The following XIRP2 variants were observed in gnomAD, a reference collection of about 807,000 sequenced individuals.
The protein encoded by XIRP2 is xin actin-binding repeat-containing protein 2.
Under a neutral mutation model 277.0 loss-of-function variants are expected in XIRP2, and 236 were observed. That is an observed-to-expected ratio of 0.85 (90% CI 0.77 to 0.95). The LOEUF (loss-of-function observed/expected upper bound fraction) is 0.95. XIRP2 is among the 40% of genes least tolerant of loss of function. The pLI is 0.00. For synonymous variants in XIRP2, 1,490 were observed against 1,416.5 expected (o/e 1.05, Z -1.17); for missense variants, 4,640 against 4,157.5 (o/e 1.12, Z -3.19).
In XIRP2 at chr2:167,246,596, T is replaced by A. The variant is rs1211184937; in HGVS notation, c.5204T>A (p.Ile1735Asn). 3 of 1,613,788 alleles carry A rather than the reference T, an allele frequency of 1.9e-6. No homozygotes were observed. In the South Asian group the frequency reaches 3.3e-5, roughly 18 times the overall value. The change falls in exon 9 of 11, where the codon ATT becomes AAT. Residue 1735 changes from isoleucine (I) to asparagine (N), a missense_variant. Coordinates refer to ENST00000409195, the MANE Select transcript of XIRP2 (RefSeq NM_152381.6). Reference protein sequence around the residue: ...SNNKISERAKIDASERGNVQF... With the variant: ...SNNKISERAKNDASERGNVQF... Reference sequence around the variant, plus strand: ...AATAAAATATCTGAAAGGGCTAAAATTGATGCCTCTGAGAGAGGAAATGTT... The same window carrying A: ...AATAAAATATCTGAAAGGGCTAAAAATGATGCCTCTGAGAGAGGAAATGTT...
At chr2:167,104,543 G>A (rs927996678) in intron 2 of XIRP2, among the ~76,000 whole-genome samples, 2 of 151,872 alleles carry the variant, frequency 1.3e-5, no homozygotes, top group African/African-American at 4.8e-5. Context: ...TGTACTTTAT[G>A]GTATGAACTT....
intron 5 of XIRP2, among the ~76,000 whole-genome samples, chr2:167,225,541 G>A (rs1304124290): frequency 2.0e-5 from 3 of 152,100 alleles, no homozygotes; most frequent in Non-Finnish European, 4.4e-5. Flanking sequence ...ACCCTTATTT[G>A]CCAGAGAACT....
Position 167,250,863 on chromosome 2 carries a change from G to T in XIRP2, c.9471G>T (p.Arg3157Ser). The change falls in exon 9 of 11, where the codon AGG becomes AGT. Residue 3157 changes from arginine (R) to serine (S), a missense_variant. Transcript: ENST00000409195. ...KDSYVEPPPR[R>S]PMSQKSEIHR... ...GTTATGTTGAACCCCCACCAAGAAG[G>T]CCCATGTCGCAAAAATCTGAAATTC... 1 of 1,613,232 alleles carries T rather than the reference G, an allele frequency of 6.2e-7. No homozygotes were observed. Among genetic ancestry groups the T allele is most frequent in the Non-Finnish European group, 8.5e-7 (1 of 1,179,632 alleles).
chr2:167,170,770 G>A (rs968669204), intron 3 of XIRP2, among the ~76,000 whole-genome samples: 2 of 151,288 alleles, frequency 1.3e-5, no homozygotes, highest in Non-Finnish European at 2.9e-5. Flanking sequence ...TATCTTTATG[G>A]TACATTTCTA....
intron 2 of XIRP2, among the ~76,000 whole-genome samples, chr2:167,047,511 T>G (rs1688813529): frequency 6.6e-6 from 1 of 151,966 alleles, no homozygotes; most frequent in South Asian, 2.1e-4. Flanking sequence ...TTTATAAATT[T>G]AATGCAACCT....
intron 2 of XIRP2, among the ~76,000 whole-genome samples, chr2:166,981,255 T>G (rs559718658): frequency 7.2e-4 from 110 of 152,274 alleles, no homozygotes; most frequent in South Asian, 1.5e-3. Context: ...ATGCTCTTTC[T>G]AAGACTTTAG....
At chr2:166,914,331 A>G (rs1016064182) in intron 2 of XIRP2, among the ~76,000 whole-genome samples, 1 of 151,888 alleles carries the variant, frequency 6.6e-6, no homozygotes, top group Non-Finnish European at 1.5e-5. Context: ...AATGTGTGCC[A>G]TATTTTTTTT....
At chr2:166,939,112 G>T (rs1349687938) in intron 2 of XIRP2, among the ~76,000 whole-genome samples, 1 of 152,160 alleles carries the variant, frequency 6.6e-6, no homozygotes, top group East Asian at 1.9e-4. Context: ...ATATAGTTAT[G>T]TGTGAATTTG....
At chr2:166,938,949 A>C (rs987621610) in intron 2 of XIRP2, among the ~76,000 whole-genome samples, 1 of 152,088 alleles carries the variant, frequency 6.6e-6, no homozygotes, top group Non-Finnish European at 1.5e-5. Flanking sequence ...TGCTTGGTAG[A>C]TCTTCCTCCA....
intron 3 of XIRP2, among the ~76,000 whole-genome samples, chr2:167,137,310 A>G (rs1691584973): frequency 6.6e-6 from 1 of 152,194 alleles, no homozygotes; most frequent in South Asian, 2.1e-4. Context: ...TGCCCAATTA[A>G]TATCCTAATA....
intron 2 of XIRP2, among the ~76,000 whole-genome samples, chr2:167,037,797 C>T (rs1014976786): frequency 2.0e-5 from 3 of 151,800 alleles, no homozygotes; most frequent in African/African-American, 7.2e-5. Context: ...TATCTTAACT[C>T]TATGAAAATA....
intron 2 of XIRP2, among the ~76,000 whole-genome samples, chr2:167,050,573 G>A (rs1320968901): frequency 3.3e-5 from 5 of 151,970 alleles, no homozygotes; most frequent in Admixed American, 3.3e-4. Flanking sequence ...GCAAGGGATG[G>A]CAGTCTACGG....
chr2:167,247,377 T>A lies in XIRP2; in HGVS notation c.5985T>A (p.Asp1995Glu). The A allele has an allele frequency of 1.2e-6, 2 of 1,613,738 alleles. No individual in the cohort carries two copies. The highest frequency in any genetic ancestry group is 1.7e-6 in the Non-Finnish European group (2 of 1,179,796). The change falls in exon 9 of 11, where the codon GAT becomes GAA. Residue 1995 changes from aspartate (D) to glutamate (E), a missense_variant. By Grantham distance (45) the Asp-to-Glu change is conservative. Coordinates refer to ENST00000409195, the MANE Select transcript of XIRP2 (RefSeq NM_152381.6). ...CGGCCAAGTGGCAAGGGGGAGCAGA[T>A]ACTCTCAGTCAAACTATGGGGAAAT... The part of the protein sequence containing the change: ...EPAAKWQGGA[D>E]TLSQTMGKSC...
intron 2 of XIRP2, among the ~76,000 whole-genome samples, chr2:167,107,846 A>G (rs1041708230): frequency 2.6e-5 from 4 of 151,680 alleles, no homozygotes; most frequent in Non-Finnish European, 5.9e-5. Context: ...AGAATTCTCT[A>G]GTAAAAATTT....
At chr2:167,078,169 A>G (rs1316761628) in intron 2 of XIRP2, among the ~76,000 whole-genome samples, 1 of 152,164 alleles carries the variant, frequency 6.6e-6, no homozygotes, top group African/African-American at 2.4e-5. Context: ...AATATTTTAT[A>G]GTTCTTCTAG....
intron 2 of XIRP2, among the ~76,000 whole-genome samples, chr2:166,907,375 T>C (rs962355513): frequency 1.3e-5 from 2 of 152,204 alleles, no homozygotes; most frequent in Non-Finnish European, 2.9e-5. Flanking sequence ...ATTTGCTGTG[T>C]AACAAACCAC....
At chr2:167,187,491 T>C in intron 3 of XIRP2, 1 of 985,304 alleles carries the variant, frequency 1.0e-6, no homozygotes, top group Non-Finnish European at 1.2e-6. Flanking sequence ...AGATATATGA[T>C]ATTTCCACAA....
chr2:166,918,040 TG>T (rs1350282466), intron 2 of XIRP2, among the ~76,000 whole-genome samples: 7 of 152,332 alleles, frequency 4.6e-5, no homozygotes, highest in African/African-American at 1.7e-4. Flanking sequence ...TACAGATTTT[TG>T]GCAGGAATAC....
chr2:166,919,812 C>A (rs540849179), intron 2 of XIRP2, among the ~76,000 whole-genome samples: 22 of 152,102 alleles, frequency 1.4e-4, no homozygotes, highest in East Asian at 7.7e-4. Context: ...AATATATATG[C>A]AATGTGTGCA....
Sources: allele counts gnomAD v4.1 joint callset (sites outside exome capture counted in the v4.1 genomes callset), GRCh38; gene constraint gnomAD v4.1.1; transcripts MANE v1.5; gene names NCBI Gene and HGNC (gene_info 2026-07-23, HGNC 2026-07-21).